The following TBC1D22A variants were observed in gnomAD, a reference collection of about 807,000 sequenced individuals.
TBC1D22A encodes TBC1 domain family member 22A, also known as putative GTPase activator.
TBC1D22A carries 38 observed loss-of-function variants against 60.2 expected under a neutral mutation model. The observed-to-expected ratio is 0.63, with a 90% CI of 0.49 to 0.83. The LOEUF is 0.83. TBC1D22A is among the 40% of genes least tolerant of loss of function. TBC1D22A has a pLI of 0.00. For missense variants in TBC1D22A, 628 were observed against 701.0 expected (o/e 0.90, Z 1.18); for synonymous variants, 302 against 281.7 (o/e 1.07, Z -0.72).
chr22:46,988,348 T>C (rs1366277649), intron 9 of TBC1D22A, among the ~76,000 whole-genome samples: 1 of 152,264 alleles, frequency 6.6e-6, no homozygotes, highest in Admixed American at 6.5e-5. Context: ...CTTAATGGCA[T>C]CTAGAAAAGC....
chr22:46,835,536 C>T (rs62233853), intron 4 of TBC1D22A, among the ~76,000 whole-genome samples: 47,171 of 151,858 alleles, frequency 0.31, 7,457 homozygotes, highest in South Asian at 0.44. Flanking sequence ...TTGAAATTAC[C>T]CAATTAGAAA....
At chr22:46,865,372 T>C (rs1400067846) in intron 4 of TBC1D22A, among the ~76,000 whole-genome samples, 1 of 152,202 alleles carries the variant, frequency 6.6e-6, no homozygotes, top group Non-Finnish European at 1.5e-5. Flanking sequence ...TAGTTTTAGG[T>C]CAGATATTTA....
chr22:47,103,190 G>A (rs1034537418), intron 11 of TBC1D22A, among the ~76,000 whole-genome samples: 5 of 152,110 alleles, frequency 3.3e-5, no homozygotes, highest in African/African-American at 7.2e-5. Context: ...AATTTCGTTC[G>A]GTTTCCATTC....
intron 12 of TBC1D22A, among the ~76,000 whole-genome samples, chr22:47,163,319 G>A (rs2068071948): frequency 1.3e-5 from 2 of 152,318 alleles, no homozygotes; most frequent in South Asian, 2.1e-4. Flanking sequence ...CATCCTCTCT[G>A]GGGACCCCAT....
intron 7 of TBC1D22A, among the ~76,000 whole-genome samples, chr22:46,904,395 C>G (rs539631783): frequency 6.6e-6 from 1 of 152,142 alleles, no homozygotes; most frequent in Admixed American, 6.5e-5. Flanking sequence ...CAGGGTAACC[C>G]TCGGCAATAC....
chr22:47,093,678 A>G (rs2065067030), intron 11 of TBC1D22A, among the ~76,000 whole-genome samples: 1 of 152,212 alleles, frequency 6.6e-6, no homozygotes, highest in African/African-American at 2.4e-5. Context: ...TTGAACATGA[A>G]AACGATCTGT....
chr22:46,961,368 C>T (rs749781040), intron 8 of TBC1D22A, among the ~76,000 whole-genome samples: 1 of 152,118 alleles, frequency 6.6e-6, no homozygotes, highest in Non-Finnish European at 1.5e-5. Context: ...TAAGTTCTGC[C>T]GCAGCCAGCT....
At chr22:46,951,660 C>G (rs1016692231) in intron 8 of TBC1D22A, among the ~76,000 whole-genome samples, 1 of 152,272 alleles carries the variant, frequency 6.6e-6, no homozygotes, top group East Asian at 1.9e-4. Flanking sequence ...CCAGTTACAG[C>G]GAGGTGTAAA....
chr22:47,139,914 T>C (rs1731509790), intron 12 of TBC1D22A, among the ~76,000 whole-genome samples: 1 of 152,262 alleles, frequency 6.6e-6, no homozygotes, highest in South Asian at 2.1e-4. Context: ...ATGTGACTGC[T>C]CCTATTACAC....
intron 7 of TBC1D22A, among the ~76,000 whole-genome samples, chr22:46,900,289 T>C (rs951492420): frequency 6.6e-6 from 1 of 152,130 alleles, no homozygotes; most frequent in Middle Eastern, 3.4e-3. Flanking sequence ...GTAGCTGGGA[T>C]TACAGGCACC....
intron 1 of TBC1D22A, among the ~76,000 whole-genome samples, chr22:46,784,996 C>G (rs2084097665): frequency 6.6e-6 from 1 of 152,194 alleles, no homozygotes; most frequent in Non-Finnish European, 1.5e-5. Flanking sequence ...CTACCAATGT[C>G]AGAGAGACAT....
intron 7 of TBC1D22A, among the ~76,000 whole-genome samples, chr22:46,904,891 C>G (rs1298347489): frequency 6.6e-6 from 1 of 152,022 alleles, no homozygotes; most frequent in Non-Finnish European, 1.5e-5. Context: ...TCTTCTGCCT[C>G]AGCCTCCTGT....
At chr22:46,860,958 A>C (rs571002220) in intron 4 of TBC1D22A, among the ~76,000 whole-genome samples, 1 of 150,220 alleles carries the variant, frequency 6.7e-6, no homozygotes, top group African/African-American at 2.5e-5. Flanking sequence ...TGGCGAAGGC[A>C]TATTTGAAAA....
At chr22:46,889,184 C>T (rs1023189842) in intron 5 of TBC1D22A, among the ~76,000 whole-genome samples, 2 of 152,030 alleles carry the variant, frequency 1.3e-5, no homozygotes, top group Admixed American at 6.6e-5. Flanking sequence ...GTACAGAGCT[C>T]GTCAAACTCA....
rs564675351 is a variant in TBC1D22A at position 46,777,294 on chromosome 22, G to A, written c.62+14446G>A. On this transcript the variant is annotated intron_variant, in intron 1 of 12. Transcript: ENST00000337137. This position sits in a 1 kb window ranked among gnomAD's most constrained non-coding sequence, Gnocchi z 4.5. ...GCCAGGGGCCGCCAGAAGAGGGCTC[G>A]AGGGAGAGGTACGAGGCAGGGATGA... Among the ~76,000 whole-genome samples, 1 of 152,276 alleles carries A rather than the reference G, an allele frequency of 6.6e-6. No homozygotes were observed. The highest frequency in any genetic ancestry group is 1.9e-4 in the East Asian group (1 of 5,178).
At chr22:46,839,231 C>T (rs2086647033) in intron 4 of TBC1D22A, among the ~76,000 whole-genome samples, 2 of 149,866 alleles carry the variant, frequency 1.3e-5, no homozygotes, top group Admixed American at 6.7e-5. Context: ...TAAGAAAGCC[C>T]CATTTACAAT....
At chr22:46,966,579 A>G (rs1417831700) in intron 8 of TBC1D22A, among the ~76,000 whole-genome samples, 1 of 152,136 alleles carries the variant, frequency 6.6e-6, no homozygotes, top group South Asian at 2.1e-4. Context: ...TTAAAGATCC[A>G]CTCAAGCCAC....
At chr22:46,763,301 C>T (rs2083167943) in intron 1 of TBC1D22A, 1 of 159,156 alleles carries the variant, frequency 6.3e-6, no homozygotes, top group African/African-American at 2.4e-5. Context: ...CGGCTCTTGC[C>T]TTGAGCATAG....
At chr22:46,798,134 C>T (rs2084739185) in intron 4 of TBC1D22A, among the ~76,000 whole-genome samples, 1 of 152,262 alleles carries the variant, frequency 6.6e-6, no homozygotes, top group Non-Finnish European at 1.5e-5. Flanking sequence ...GCCTCAGCCT[C>T]ACAAAGCACT....
Sources: allele counts gnomAD v4.1 joint callset (sites outside exome capture counted in the v4.1 genomes callset), GRCh38; gene constraint gnomAD v4.1.1; non-coding constraint Gnocchi (gnomAD v3.1); transcripts MANE v1.5; gene names NCBI Gene and HGNC (gene_info 2026-07-23, HGNC 2026-07-21).